The following CCDC148 variants were observed in gnomAD, a reference collection of about 807,000 sequenced individuals.
The protein encoded by CCDC148 is coiled-coil domain-containing protein 148.
CCDC148 carries 89 observed loss-of-function variants against 85.7 expected under a neutral mutation model. That is an observed-to-expected ratio of 1.04 (90% CI 0.87 to 1.24). CCDC148 has a LOEUF of 1.24. Among genes scored for constraint, CCDC148 ranks in the 50% most tolerant of loss-of-function variants. CCDC148 has a pLI of 0.00. For missense variants in CCDC148, 692 were observed against 671.7 expected, an observed-to-expected ratio of 1.03 and a Z score of -0.33; for synonymous variants, 230 against 213.9, an observed-to-expected ratio of 1.08 and a Z score of -0.66.
intron 11 of CCDC148, among the ~76,000 whole-genome samples, chr2:158,207,250 G>T (rs528891153): frequency 6.6e-6 from 1 of 152,294 alleles, no homozygotes; most frequent in Admixed American, 6.5e-5. Flanking sequence ...CTTATAAGAC[G>T]ACAGATAGCC....
chr2:158,272,708 G>T (rs781750429), intron 9 of CCDC148, among the ~76,000 whole-genome samples: 2 of 152,108 alleles, frequency 1.3e-5, no homozygotes, highest in African/African-American at 4.8e-5. Context: ...TATCTTCTTG[G>T]AGTATCCACT....
intron 7 of CCDC148, among the ~76,000 whole-genome samples, chr2:158,319,091 G>A (rs1692412587): frequency 6.6e-6 from 1 of 152,128 alleles, no homozygotes; most frequent in Non-Finnish European, 1.5e-5. Flanking sequence ...AAAGTAAGAT[G>A]TAATTGCTCA....
rs1682629347 is a variant in CCDC148, at chr2:158,340,539, C to T, written c.334+59G>A. The T allele has an allele frequency of 3.6e-6, 5 of 1,389,538 alleles. No individual in the cohort carries two copies. In the Admixed American group the frequency reaches 6.4e-5, roughly 18 times the overall value. The allele number at this position is 1,389,538 out of a possible 1,614,324, so 86.1% of individuals were successfully genotyped here. On this transcript the variant is annotated intron_variant, in intron 4 of 13. Transcript: ENST00000283233. ...TATTAAAAGAACATGAAGTGAGTGGCCCATTCTCATTCTTCAAAATAAAAC... is the reference window on the plus strand; with the variant it reads ...TATTAAAAGAACATGAAGTGAGTGGTCCATTCTCATTCTTCAAAATAAAAC...
At chr2:158,444,725 C>T (rs1688083827) in intron 1 of CCDC148, among the ~76,000 whole-genome samples, 1 of 132,562 alleles carries the variant, frequency 7.5e-6, no homozygotes, top group Admixed American at 9.3e-5. Context: ...GTTTAGACCG[C>T]AGGGAGCTGA....
chr2:158,358,458 T>C lies in CCDC148; in HGVS notation c.138A>G (p.Ala46=). 1 of 1,606,182 alleles carries C rather than the reference T, an allele frequency of 6.2e-7. No individual in the cohort carries two copies. The highest frequency in any genetic ancestry group is 1.7e-4 in the Middle Eastern group (1 of 6,036). Residue 46 remains alanine (A), a synonymous_variant, in exon 2 of 14, where the codon GCA becomes GCG. Transcript: ENST00000283233. ...ACACACAACTTCTAACCTTTAGCTT[T>C]GCAGAGGCAGAAGCCAATTTCTTTG... ...TEAKKLASAS[A]KLKIRKAMLT...
intron 1 of CCDC148, among the ~76,000 whole-genome samples, chr2:158,399,009 T>C (rs1340065087): frequency 2.0e-5 from 3 of 152,002 alleles, no homozygotes; most frequent in Non-Finnish European, 2.9e-5. Context: ...TCTACGCAAA[T>C]AAACTAGAAA....
chr2:158,416,343 T>C (rs1251543581), intron 1 of CCDC148, among the ~76,000 whole-genome samples: 3 of 152,196 alleles, frequency 2.0e-5, no homozygotes, highest in Non-Finnish European at 4.4e-5. Flanking sequence ...TTGGCTCCTC[T>C]TTACTTAGGC....
intron 1 of CCDC148, among the ~76,000 whole-genome samples, chr2:158,391,533 A>G (rs1405752921): frequency 6.6e-6 from 1 of 152,202 alleles, no homozygotes; most frequent in Non-Finnish European, 1.5e-5. Context: ...AAACACAAGT[A>G]TATTGCTAGT....
rs1336922208 is a variant in CCDC148, at chr2:158,175,157, C to T, written c.1629+1364G>A. ...CCACCCTCTTCCGCTTGGTCAAACC[C>T]AGAGGTGAAATAGGTCAACCGAGTA... is the stretch of plus-strand genomic sequence containing the variant. On this transcript the variant is annotated intron_variant, in intron 13 of 13. Transcript: ENST00000283233. 5.3e-5 allele frequency among the ~76,000 whole-genome samples: 8 copies of T among 152,108 alleles called. No individual in the cohort carries two copies. In the South Asian group the frequency reaches 1.5e-3, roughly 28 times the overall value.
At chr2:158,194,231 T>C (rs1685558805) in intron 11 of CCDC148, among the ~76,000 whole-genome samples, 1 of 152,136 alleles carries the variant, frequency 6.6e-6, no homozygotes, top group South Asian at 2.1e-4. Context: ...TTTGAACTGA[T>C]ATTTAGTATT....
chr2:158,298,282 T>C (rs918135370), intron 9 of CCDC148, among the ~76,000 whole-genome samples: 3 of 152,154 alleles, frequency 2.0e-5, no homozygotes, highest in African/African-American at 7.2e-5. Flanking sequence ...CCAAACCGTA[T>C]CACCATTGTT....
intron 1 of CCDC148, among the ~76,000 whole-genome samples, chr2:158,376,561 A>G (rs1283890953): frequency 6.6e-6 from 1 of 152,128 alleles, no homozygotes; most frequent in African/African-American, 2.4e-5. Flanking sequence ...TGAATAAATA[A>G]GAGGTAAGAA....
At chr2:158,421,564 C>G (rs983375158) in intron 1 of CCDC148, among the ~76,000 whole-genome samples, 12 of 151,936 alleles carry the variant, frequency 7.9e-5, no homozygotes, top group African/African-American at 2.4e-4. Flanking sequence ...CAACATACCA[C>G]CACCTCTGGG....
intron 7 of CCDC148, among the ~76,000 whole-genome samples, chr2:158,325,632 C>T (rs1692732006): frequency 6.6e-6 from 1 of 152,182 alleles, no homozygotes; most frequent in Non-Finnish European, 1.5e-5. Flanking sequence ...CACACAATCT[C>T]TACACAGATA....
At chr2:158,431,629 C>T (rs531578223) in intron 1 of CCDC148, among the ~76,000 whole-genome samples, 282 of 152,080 alleles carry the variant, frequency 1.9e-3, no homozygotes, top group Middle Eastern at 3.4e-3. Context: ...TAAAGAAAGA[C>T]CTGCACCCTA....
chr2:158,256,184 C>T (rs1689002941), intron 9 of CCDC148, among the ~76,000 whole-genome samples: 1 of 151,600 alleles, frequency 6.6e-6, no homozygotes, highest in South Asian at 2.1e-4. Context: ...AGCTTGAAAA[C>T]AATTTATTAT....
At chr2:158,438,257 G>A (rs1320677211) in intron 1 of CCDC148, among the ~76,000 whole-genome samples, 1 of 152,106 alleles carries the variant, frequency 6.6e-6, no homozygotes, top group African/African-American at 2.4e-5. Context: ...AAATAGCATG[G>A]TACTGGTACC....
chr2:158,450,416 G>A (rs771280299), intron 1 of CCDC148, among the ~76,000 whole-genome samples: 1 of 152,178 alleles, frequency 6.6e-6, no homozygotes, highest in Non-Finnish European at 1.5e-5. Context: ...GAGATGATGG[G>A]TGACTTGCCA....
intron 9 of CCDC148, among the ~76,000 whole-genome samples, chr2:158,254,324 C>A (rs746174801): frequency 6.6e-6 from 1 of 151,498 alleles, no homozygotes; most frequent in African/African-American, 2.4e-5. Context: ...TGTTCTATAA[C>A]GTTAGAGATA....
Sources: allele counts gnomAD v4.1 joint callset (sites outside exome capture counted in the v4.1 genomes callset), GRCh38; gene constraint gnomAD v4.1.1; transcripts MANE v1.5; gene names NCBI Gene and HGNC (gene_info 2026-07-23, HGNC 2026-07-21).